Variants in NRF1 observed in about 807,000 individuals in gnomAD.
The protein encoded by NRF1 is alpha palindromic-binding protein.
A neutral mutation model predicts 58.5 loss-of-function variants in NRF1; 5 were observed. The ratio of observed to expected loss-of-function variants is 0.09; its 90% CI spans 0.04 to 0.18. The LOEUF (loss-of-function observed/expected upper bound fraction) is 0.18, where lower values mean the gene tolerates loss of function less well. Ranked by LOEUF, NRF1 falls within the 10% of genes least tolerant of loss-of-function variation. The pLI, the probability that NRF1 is intolerant of heterozygous loss-of-function variation, is 1.00. For missense variants in NRF1, 288 were observed against 657.7 expected (o/e 0.44, Z 6.15); for synonymous variants, 224 against 246.7 (o/e 0.91, Z 0.86).
intron 10 of NRF1, among the ~76,000 whole-genome samples, chr7:129,751,421 T>C (rs1344381564): frequency 6.6e-6 from 1 of 152,070 alleles, no homozygotes; most frequent in Non-Finnish European, 1.5e-5. Context: ...AATAGATAGA[T>C]TTTTGCATTA....
At chr7:129,623,899 G>T (rs1346164288) in intron 1 of NRF1, among the ~76,000 whole-genome samples, 1 of 152,172 alleles carries the variant, frequency 6.6e-6, no homozygotes, top group Non-Finnish European at 1.5e-5. Context: ...GTATCTTCCA[G>T]ACATGGCGGG....
At chr7:129,683,312 TGTGTGTGTGA>T (rs933093314) in intron 4 of NRF1, among the ~76,000 whole-genome samples, 3 of 141,752 alleles carry the variant, frequency 2.1e-5, no homozygotes, top group East Asian at 2.3e-4. Context: ...TGTGTGTGTG[TGTGTGTGTGA>T]GAGAGAGAGA....
At position 129,704,051 on chromosome 7, in the gene NRF1, C is replaced by T. The variant is rs1363135652; in HGVS notation, c.607-5024C>T. On this transcript the variant is annotated intron_variant, in intron 5 of 10. Transcript: ENST00000393232. ...GTAATCTGCTTGTACATCCCCCCAC[C>T]CCCCGTTTTTTTTTAATTGAAGGGA... Among the ~76,000 whole-genome samples the T allele has an allele frequency of 4.0e-5, 6 of 150,846 alleles. No homozygotes were observed. The East Asian group carries it at 7.9e-4, about 20-fold the overall frequency.
intron 10 of NRF1, among the ~76,000 whole-genome samples, chr7:129,745,865 TCA>T (rs1803965128): frequency 6.6e-6 from 1 of 152,230 alleles, no homozygotes; most frequent in African/African-American, 2.4e-5. Flanking sequence ...AAAAATGAAT[TCA>T]GTTTTAATAT....
intron 8 of NRF1, 28 bp downstream of exon 8, chr7:129,711,604 C>G (rs1962038): frequency 0.37 from 569,745 of 1,545,018 alleles, 112,168 homozygotes; most frequent in Non-Finnish European, 0.41. Flanking sequence ...TCTGCATCTT[C>G]TTAAATACTT....
rs961322685 is a variant in NRF1, at chr7:129,643,991, C to T, written c.-6-13355C>T. Among the ~76,000 whole-genome samples, 3 of 152,184 alleles carry T rather than the reference C, an allele frequency of 2.0e-5. No individual in the cohort carries two copies. The South Asian group carries it at 6.2e-4, about 32-fold the overall frequency. ...GTGCTTTCACAAGCCGTTGCTGCTG[C>T]CTGCAGTGCCCTTTTTTTCATTCTG... On this transcript the variant is annotated intron_variant, in intron 1 of 10. Transcript: ENST00000393232.
In NRF1 at chr7:129,611,798, G is replaced by C. The variant is rs1486674985; in HGVS notation, c.-33G>C. ...GCGCGGTCGCAGTCTCCACGGCGCA[G>C]GCCCACGGTAGCGCAGCCGCTCTGA... is the stretch of plus-strand genomic sequence containing the variant. On this transcript the variant is annotated 5_prime_UTR_variant, in exon 1 of 11. Transcript: ENST00000393232. 4.1e-6 allele frequency: 1 copy of C among 243,718 alleles called. No homozygotes were observed. Among genetic ancestry groups the C allele is most frequent in the Non-Finnish European group, 7.9e-6 (1 of 127,378 alleles). The allele number at this position is 243,718 out of a possible 1,614,324, so 15.1% of individuals were successfully genotyped here.
chr7:129,681,616 C>A (rs1802311393), intron 4 of NRF1, among the ~76,000 whole-genome samples: 1 of 152,032 alleles, frequency 6.6e-6, no homozygotes, highest in African/African-American at 2.4e-5. Context: ...CTCAGTTGCC[C>A]ACCTTAGAGT....
intron 2 of NRF1, among the ~76,000 whole-genome samples, chr7:129,669,915 A>G (rs1005026038): frequency 8.5e-5 from 13 of 152,354 alleles, no homozygotes; most frequent in African/African-American, 2.6e-4. Context: ...TGTATTATTC[A>G]CAATAGCAAG....
chr7:129,670,128 G>A (rs1197607629), intron 2 of NRF1, among the ~76,000 whole-genome samples: 1 of 152,170 alleles, frequency 6.6e-6, no homozygotes. Flanking sequence ...ACTTATAGAA[G>A]GTATCTAAAA....
chr7:129,735,052 G>A (rs374557956), intron 10 of NRF1: 45 of 985,236 alleles, frequency 4.6e-5, no homozygotes, highest in Admixed American at 6.2e-5. Flanking sequence ...GCTCCTCACC[G>A]GGTCTTCCAC....
chr7:129,645,027 A>C (rs961368425), intron 1 of NRF1, among the ~76,000 whole-genome samples: 50 of 151,882 alleles, frequency 3.3e-4, no homozygotes, highest in Non-Finnish European at 1.9e-4. Flanking sequence ...GTGATCTGTA[A>C]ACATTATTTC....
intron 1 of NRF1, among the ~76,000 whole-genome samples, chr7:129,638,100 GT>G (rs879837299): frequency 8.2e-4 from 119 of 144,276 alleles, no homozygotes; most frequent in African/African-American, 2.4e-3. Context: ...TACTGGCACA[GT>G]TTTTTTTTTT....
intron 9 of NRF1, among the ~76,000 whole-genome samples, chr7:129,722,494 C>T (rs953156215): frequency 1.3e-5 from 2 of 152,088 alleles, no homozygotes; most frequent in African/African-American, 4.8e-5. Flanking sequence ...GCCCTGCTTA[C>T]CATAGGCATC....
intron 1 of NRF1, among the ~76,000 whole-genome samples, chr7:129,614,197 C>T (rs1800608718): frequency 6.6e-6 from 1 of 152,164 alleles, no homozygotes; most frequent in South Asian, 2.1e-4. Flanking sequence ...CTCACTGCAA[C>T]ATCTGCCTCC....
chr7:129,662,322 G>A (rs1162335232), intron 2 of NRF1, among the ~76,000 whole-genome samples: 1 of 151,030 alleles, frequency 6.6e-6, no homozygotes, highest in Non-Finnish European at 1.5e-5. Flanking sequence ...TTTGGTAATT[G>A]TTAATAGTTT....
intron 5 of NRF1, 140 bp downstream of exon 5, chr7:129,690,686 A>G: frequency 1.2e-6 from 1 of 861,664 alleles, no homozygotes. Flanking sequence ...GTGAAACAGT[A>G]GCAGCCTTGG....
chr7:129,651,940 A>G (rs184401203), intron 1 of NRF1, among the ~76,000 whole-genome samples: 1 of 152,238 alleles, frequency 6.6e-6, no homozygotes, highest in African/African-American at 2.4e-5. Context: ...AAAAGTTGCA[A>G]GAATAGTACA....
chr7:129,673,172 A>G (rs999508250), intron 3 of NRF1, among the ~76,000 whole-genome samples: 11 of 152,220 alleles, frequency 7.2e-5, no homozygotes, highest in Non-Finnish European at 1.5e-4. Flanking sequence ...GGAGTTCATG[A>G]TTGAACTTGA....
Sources: allele counts gnomAD v4.1 joint callset (sites outside exome capture counted in the v4.1 genomes callset), GRCh38; gene constraint gnomAD v4.1.1; transcripts MANE v1.5; gene names NCBI Gene and HGNC (gene_info 2026-07-23, HGNC 2026-07-21).